Variants in DLGAP2 observed in about 807,000 individuals in gnomAD.
DLGAP2 encodes DLG associated protein 2.
Under a neutral mutation model 100.3 loss-of-function variants are expected in DLGAP2, and 26 were observed. The observed-to-expected ratio is 0.26, with a 90% CI of 0.19 to 0.36. The LOEUF (loss-of-function observed/expected upper bound fraction) is 0.36. Among genes scored for constraint, DLGAP2 ranks in the 10% least tolerant of loss-of-function variants. The pLI is 1.00. For synonymous variants in DLGAP2, 886 were observed against 630.1 expected (o/e 1.41, Z -6.08); for missense variants, 1,858 against 1,453.2 (o/e 1.28, Z -4.53).
At chr8:1,195,397 G>C (rs374100540) in intron 2 of DLGAP2, among the ~76,000 whole-genome samples, 13 of 152,204 alleles carry the variant, frequency 8.5e-5, no homozygotes, top group African/African-American at 2.9e-4. Flanking sequence ...GGATATATGT[G>C]TTATTAATGA....
At chr8:909,242 T>G (rs1798438565) in intron 2 of DLGAP2, among the ~76,000 whole-genome samples, 1 of 152,224 alleles carries the variant, frequency 6.6e-6, no homozygotes. Flanking sequence ...GTCTTGGTTA[T>G]GAGTAAAAAT....
At chr8:897,197 C>T (rs1212782450) in intron 1 of DLGAP2, among the ~76,000 whole-genome samples, 2 of 152,164 alleles carry the variant, frequency 1.3e-5, no homozygotes, top group South Asian at 2.1e-4. Flanking sequence ...ATCGTGGCCT[C>T]GCACTCAATC....
intron 2 of DLGAP2, among the ~76,000 whole-genome samples, chr8:1,217,905 C>G (rs1043012761): frequency 6.6e-6 from 1 of 152,016 alleles, no homozygotes; most frequent in Non-Finnish European, 1.5e-5. Flanking sequence ...TGTATGTCTT[C>G]TTTTGAGAAG....
chr8:1,631,387 C>G (rs1412679912), intron 7 of DLGAP2, among the ~76,000 whole-genome samples: 1 of 152,146 alleles, frequency 6.6e-6, no homozygotes, highest in Non-Finnish European at 1.5e-5. Context: ...TACGATACAT[C>G]TTTGACAGGA....
intron 2 of DLGAP2, among the ~76,000 whole-genome samples, chr8:1,190,610 C>A (rs1393191141): frequency 1.3e-5 from 2 of 152,202 alleles, no homozygotes; most frequent in African/African-American, 2.4e-5. Flanking sequence ...AGAGCCAAAA[C>A]AGCTGTTTGG....
At chr8:945,573 G>A (rs145350576) in intron 2 of DLGAP2, among the ~76,000 whole-genome samples, 48 of 152,248 alleles carry the variant, frequency 3.2e-4, no homozygotes, top group Non-Finnish European at 5.9e-4. Context: ...ACTCAGCCCG[G>A]AGAACAGCTA....
chr8:894,733 G>T, intron 1 of DLGAP2, among the ~76,000 whole-genome samples: 1 of 138,218 alleles, frequency 7.2e-6, no homozygotes, highest in Non-Finnish European at 1.5e-5. Context: ...TGGCTGGCAG[G>T]GCAGGGTGGG....
intron 2 of DLGAP2, among the ~76,000 whole-genome samples, chr8:1,188,619 C>G (rs79696512): frequency 6.6e-6 from 1 of 152,102 alleles, no homozygotes; most frequent in African/African-American, 2.4e-5. Context: ...ATTTGCCTCA[C>G]GGAATCTCAC....
At chr8:1,597,404 G>C (rs1226650641) in intron 6 of DLGAP2, among the ~76,000 whole-genome samples, 1 of 151,134 alleles carries the variant, frequency 6.6e-6, no homozygotes, top group East Asian at 2.0e-4. Flanking sequence ...ATTCTGTGAA[G>C]AAAGTCAATG....
At chr8:1,168,599 T>A (rs1008010376) in intron 2 of DLGAP2, among the ~76,000 whole-genome samples, 61 of 149,268 alleles carry the variant, frequency 4.1e-4, no homozygotes, top group Admixed American at 2.4e-3. Flanking sequence ...GATATCTCAT[T>A]GTGGTTTTGA....
At chr8:1,417,462 A>G (rs947409805) in intron 3 of DLGAP2, among the ~76,000 whole-genome samples, 9 of 152,186 alleles carry the variant, frequency 5.9e-5, no homozygotes, top group Non-Finnish European at 2.9e-5. Flanking sequence ...GTGTTCTCTT[A>G]CTGTGAAGGT....
chr8:1,202,181 C>T (rs1273644885), intron 2 of DLGAP2, among the ~76,000 whole-genome samples: 3 of 150,006 alleles, frequency 2.0e-5, no homozygotes, highest in Non-Finnish European at 4.4e-5. Flanking sequence ...TATCTGTGTG[C>T]GTGTGGTGTG....
chr8:1,235,033 T>A (rs1248289828), intron 2 of DLGAP2, among the ~76,000 whole-genome samples: 2 of 149,092 alleles, frequency 1.3e-5, no homozygotes, highest in African/African-American at 2.5e-5. Context: ...TAATTCTCTC[T>A]CACATGGCGC....
chr8:838,863 G>A (rs1330464905), intron 1 of DLGAP2, among the ~76,000 whole-genome samples: 1 of 152,212 alleles, frequency 6.6e-6, no homozygotes, highest in Non-Finnish European at 1.5e-5. Context: ...ACTTCCTGGG[G>A]AGCGAGAGCA....
chr8:1,099,552 C>A lies in DLGAP2; in HGVS notation c.74-159299C>A, dbSNP rs566205562. Among the ~76,000 whole-genome samples the A allele has an allele frequency of 5.3e-5, 8 of 152,348 alleles. No homozygotes were observed. In the East Asian group the frequency reaches 1.5e-3, roughly 29 times the overall value. ...TGGTGTCTCTTCATTAGAGGAGGGA[C>A]TTCGTCCCTTTCAGAGGCTACCAGG... On this transcript the variant is annotated intron_variant, in intron 2 of 14. Coordinates refer to ENST00000637795, the MANE Select transcript of DLGAP2 (RefSeq NM_001346810.2).
At chr8:798,707 C>A (rs1796086711) in intron 1 of DLGAP2, among the ~76,000 whole-genome samples, 1 of 131,742 alleles carries the variant, frequency 7.6e-6, no homozygotes, top group African/African-American at 3.0e-5. Flanking sequence ...GCCCCGTGCC[C>A]CGGCGCTGGC....
At chr8:1,339,508 T>A (rs1194376795) in intron 3 of DLGAP2, among the ~76,000 whole-genome samples, 9 of 152,220 alleles carry the variant, frequency 5.9e-5, no homozygotes, top group Non-Finnish European at 1.5e-5. Context: ...ACCGCAGCAC[T>A]GTCCCCTGAC....
Position 1,440,155 on chromosome 8 carries a change from G to A in DLGAP2, c.107-61211G>A, listed in dbSNP as rs192304851. On this transcript the variant is annotated intron_variant, in intron 3 of 14. Transcript: ENST00000637795. ...TTTTAAGAAGAAAAAAAGGAAGTCT[G>A]TTAAAGTAAGGGGAGAAAAGACCCT... is the stretch of plus-strand genomic sequence containing the variant. Among the ~76,000 whole-genome samples the A allele has an allele frequency of 7.9e-5, 12 of 152,262 alleles. No homozygotes were observed. The East Asian group carries it at 2.1e-3, about 27-fold the overall frequency.
intron 3 of DLGAP2, among the ~76,000 whole-genome samples, chr8:1,261,564 A>AG (rs1400914464): frequency 3.6e-3 from 12 of 3,326 alleles, no homozygotes; most frequent in East Asian, 0.036. Context: ...TGGGGGTGGG[A>AG]GGGGGGGCTG....
Sources: gnomAD v4.1 joint callset for allele counts (sites outside exome capture counted in the v4.1 genomes callset) on GRCh38, gnomAD v4.1.1 for gene constraint, MANE v1.5 for transcripts, NCBI Gene and HGNC (gene_info 2026-07-23, HGNC 2026-07-21) for gene names.